Variants in MTUS2 observed in about 807,000 individuals in gnomAD.
MTUS2 encodes the protein microtubule associated scaffold protein 2.
Under a neutral mutation model 114.1 loss-of-function variants are expected in MTUS2, and 40 were observed. The observed-to-expected ratio is 0.35, with a 90% confidence interval of 0.27 to 0.46. The LOEUF (loss-of-function observed/expected upper bound fraction) is 0.46, where lower values mean the gene tolerates loss of function less well. MTUS2 is among the 20% of genes least tolerant of loss of function. MTUS2 has a pLI of 1.00. For synonymous variants in MTUS2, 688 were observed against 672.0 expected, an observed-to-expected ratio of 1.02 and a Z score of -0.37; for missense variants, 1,679 against 1,705.4, an observed-to-expected ratio of 0.98 and a Z score of 0.27.
At chr13:28,924,461 T>G (rs1881219886) in intron 2 of MTUS2, among the ~76,000 whole-genome samples, 1 of 152,250 alleles carries the variant, frequency 6.6e-6, no homozygotes, top group Non-Finnish European at 1.5e-5. Context: ...AGTACAGATG[T>G]ACAGTGCTCT....
At chr13:29,440,516 G>T (rs1487922300) in intron 9 of MTUS2, among the ~76,000 whole-genome samples, 1 of 152,200 alleles carries the variant, frequency 6.6e-6, no homozygotes. Context: ...TTTGGCTGAT[G>T]AAACGGTTTG....
At chr13:28,834,940 A>AT (rs1454831743) in intron 1 of MTUS2, among the ~76,000 whole-genome samples, 3 of 152,360 alleles carry the variant, frequency 2.0e-5, no homozygotes, top group Admixed American at 1.3e-4. Flanking sequence ...AAGGCAGTCT[A>AT]CATTAGTCAT....
chr13:28,901,377 A>G (rs1879635195), intron 2 of MTUS2, among the ~76,000 whole-genome samples: 1 of 152,164 alleles, frequency 6.6e-6, no homozygotes, highest in South Asian at 2.1e-4. Context: ...GAAAAGTGCA[A>G]TTTAATGTTT....
At chr13:29,325,490 G>GT (rs1900454930) in intron 7 of MTUS2, among the ~76,000 whole-genome samples, 1 of 134,850 alleles carries the variant, frequency 7.4e-6, no homozygotes, top group African/African-American at 2.7e-5. Context: ...AAGAGGAAGA[G>GT]GGAGGAGGAG....
intron 2 of MTUS2, among the ~76,000 whole-genome samples, chr13:28,893,914 G>T (rs142607780): frequency 1.0e-3 from 154 of 152,204 alleles, no homozygotes; most frequent in Non-Finnish European, 1.7e-3. Context: ...ACATTGTTTT[G>T]GTTTTGCTAA....
chr13:29,262,107 G>C (rs1276953074), intron 5 of MTUS2, among the ~76,000 whole-genome samples: 1 of 152,254 alleles, frequency 6.6e-6, no homozygotes, highest in African/African-American at 2.4e-5. Flanking sequence ...TGGGCTGGCT[G>C]ATGCTGGCTT....
intron 5 of MTUS2, among the ~76,000 whole-genome samples, chr13:29,136,875 C>T (rs1482888000): frequency 6.6e-6 from 1 of 152,240 alleles, no homozygotes; most frequent in Non-Finnish European, 1.5e-5. Context: ...CAACTGGCAT[C>T]TGATATGGGA....
chr13:29,487,188 C>G (rs1272005026), intron 10 of MTUS2, among the ~76,000 whole-genome samples: 2 of 152,186 alleles, frequency 1.3e-5, no homozygotes, highest in Non-Finnish European at 2.9e-5. Context: ...AACAGACACA[C>G]AGACCTGCCA....
intron 2 of MTUS2, among the ~76,000 whole-genome samples, chr13:28,965,721 G>T (rs1812237494): frequency 6.6e-6 from 1 of 152,132 alleles, no homozygotes; most frequent in South Asian, 2.1e-4. Context: ...GCAGGTCAGC[G>T]ACCCAGGAAG....
chr13:28,882,752 T>A (rs1457567448), intron 2 of MTUS2, among the ~76,000 whole-genome samples: 2 of 151,988 alleles, frequency 1.3e-5, no homozygotes, highest in Non-Finnish European at 2.9e-5. Flanking sequence ...AATTTTTTTT[T>A]AAATAGACAA....
At chr13:29,428,973 GGT>G in intron 8 of MTUS2, 1 of 1,441,820 alleles carries the variant, frequency 6.9e-7, no homozygotes, top group Non-Finnish European at 9.8e-7. Context: ...CAGCCACCTC[GGT>G]GCCTGTCCCC....
chr13:29,376,031 A>G lies in MTUS2; in HGVS notation c.3117+16558A>G, dbSNP rs201180211. 1.4e-3 allele frequency among the ~76,000 whole-genome samples: 62 copies of G among 45,314 alleles called. 1 individual carries two copies. The highest frequency in any genetic ancestry group is 2.5e-3 in the African/African-American group (60 of 23,798). The allele number at this position is 45,314 out of a possible 152,430, so 29.7% of individuals were successfully genotyped here. ...TGTGTGTGTATGTATGTGTGTGTAT[A>G]TATATATATGTGTGTGTGTGTGTGT... On this transcript the variant is annotated intron_variant, in intron 8 of 15. Transcript: ENST00000612955.
intron 2 of MTUS2, among the ~76,000 whole-genome samples, chr13:28,841,662 TTGTG>T (rs35199086): frequency 2.0e-5 from 3 of 150,344 alleles, no homozygotes; most frequent in African/African-American, 7.3e-5. Context: ...AGTTAGTTCT[TTGTG>T]TGTGTGTGTG....
Position 29,025,123 on chromosome 13 carries a change from C to G in MTUS2, c.425C>G (p.Ala142Gly), listed in dbSNP as rs1259834120. 1 of 1,613,908 alleles carries G rather than the reference C, an allele frequency of 6.2e-7. No individual in the cohort carries two copies. The highest frequency in any genetic ancestry group is 1.1e-5 in the South Asian group (1 of 91,082). ...LSSWRNVMSE[A>G]SLDVLAKRDA... ...AGTTGGAGGAATGTGATGAGTGAGG[C>G]CAGTCTAGACGTTTTGGCTAAAAGG... The change falls in exon 3 of 16, where the codon GCC becomes GGC. Residue 142 changes from alanine to glycine, a missense_variant. Coordinates refer to ENST00000612955, the MANE Select transcript of MTUS2 (RefSeq NM_001033602.4).
chr13:29,467,022 A>G (rs1377116767), intron 9 of MTUS2, among the ~76,000 whole-genome samples: 1 of 152,178 alleles, frequency 6.6e-6, no homozygotes, highest in Non-Finnish European at 1.5e-5. Flanking sequence ...TTTATTATCT[A>G]GCAGCCATTT....
At chr13:29,125,443 A>G (rs964154697) in intron 5 of MTUS2, among the ~76,000 whole-genome samples, 1 of 152,234 alleles carries the variant, frequency 6.6e-6, no homozygotes, top group South Asian at 2.1e-4. Flanking sequence ...AAGCAAATCT[A>G]ACATTAATTT....
At chr13:29,176,947 A>G (rs527954678) in intron 5 of MTUS2, among the ~76,000 whole-genome samples, 4 of 151,086 alleles carry the variant, frequency 2.6e-5, no homozygotes, top group African/African-American at 9.9e-5. Context: ...TTTACTGTCA[A>G]TGATCTCTGT....
intron 4 of MTUS2, among the ~76,000 whole-genome samples, chr13:29,074,973 C>A (rs1343943496): frequency 6.6e-6 from 1 of 152,150 alleles, no homozygotes; most frequent in Non-Finnish European, 1.5e-5. Flanking sequence ...CATTTCATCA[C>A]CCTAAAAAGA....
intron 2 of MTUS2, among the ~76,000 whole-genome samples, chr13:29,006,601 T>C (rs1189930233): frequency 6.6e-6 from 1 of 152,194 alleles, no homozygotes; most frequent in Non-Finnish European, 1.5e-5. Context: ...AGCACCTCCT[T>C]TACCTCTGCT....
Sources: allele counts gnomAD v4.1 joint callset (sites outside exome capture counted in the v4.1 genomes callset), GRCh38; gene constraint gnomAD v4.1.1; transcripts MANE v1.5; gene names NCBI Gene and HGNC (gene_info 2026-07-23, HGNC 2026-07-21).